GK5: variants seen among roughly 807,000 people sequenced by gnomAD.
The protein encoded by GK5 is glycerol kinase 5.
Under a neutral mutation model 77.3 loss-of-function variants are expected in GK5, and 39 were observed. The ratio of observed to expected loss-of-function variants is 0.50; its 90% CI spans 0.39 to 0.66. GK5 has a LOEUF of 0.66. Among genes scored for constraint, GK5 ranks in the 30% least tolerant of loss-of-function variants. The pLI, the probability that GK5 is intolerant of heterozygous loss-of-function variation, is 0.00. For missense variants in GK5, 487 were observed against 633.8 expected (o/e 0.77, Z 2.49); for synonymous variants, 211 against 208.0 (o/e 1.01, Z -0.13).
At chr3:142,221,035 T>C (rs1214379393) in intron 1 of GK5, among the ~76,000 whole-genome samples, 1 of 152,096 alleles carries the variant, frequency 6.6e-6, no homozygotes, top group Non-Finnish European at 1.5e-5. Context: ...GGGCAAGGCA[T>C]GGTACCAAAA....
rs200577363 is a variant in GK5, at chr3:142,192,780, AT to A, written c.544-5002del. Among the ~76,000 whole-genome samples, 178 of 151,556 alleles carry A rather than the reference AT, an allele frequency of 1.2e-3. 4 individuals are homozygous for A. In the East Asian group the frequency reaches 0.024, roughly 20 times the overall value. On this transcript the variant is annotated intron_variant, in intron 5 of 15. Coordinates refer to ENST00000392993, the MANE Select transcript of GK5 (RefSeq NM_001039547.3). ...CTCTGTCTCAAAAAAAAAAAAAAAA[AT>A]GTGATTGGATAAACTGTGCCACATT...
At chr3:142,219,599 C>A (rs565000786) in intron 1 of GK5, among the ~76,000 whole-genome samples, 9 of 152,256 alleles carry the variant, frequency 5.9e-5, no homozygotes, top group African/African-American at 1.9e-4. Flanking sequence ...TAAAGTAACA[C>A]AAGGGAGCTT....
intron 3 of GK5, among the ~76,000 whole-genome samples, chr3:142,209,182 GAGAGTATTTAAC>G (rs2064157124): frequency 6.6e-6 from 1 of 152,002 alleles, no homozygotes; most frequent in African/African-American, 2.4e-5. Context: ...GAGGTGCCAT[GAGAGTATTTAAC>G]AGATGGCCCC....
intron 3 of GK5, among the ~76,000 whole-genome samples, chr3:142,212,116 C>G (rs942656310): frequency 6.6e-6 from 1 of 152,138 alleles, no homozygotes; most frequent in Non-Finnish European, 1.5e-5. Flanking sequence ...ATCTTTTCCC[C>G]CTCTGCTCAC....
At chr3:142,190,437 G>C (rs1246781705) in intron 5 of GK5, among the ~76,000 whole-genome samples, 4 of 152,134 alleles carry the variant, frequency 2.6e-5, no homozygotes, top group Non-Finnish European at 4.4e-5. Flanking sequence ...CTAGGGCAAT[G>C]GCCCATATTT....
At chr3:142,204,659 A>G (rs758442913) in intron 4 of GK5, 36 bp downstream of exon 4, 1 of 1,157,052 alleles carries the variant, frequency 8.6e-7, no homozygotes, top group Non-Finnish European at 1.3e-6. Context: ...GAAAAAAAAA[A>G]CCAACAATAT....
chr3:142,181,389 TA>T, intron 11 of GK5, 71 bp downstream of exon 11: 1 of 794,838 alleles, frequency 1.3e-6, no homozygotes, highest in Non-Finnish European at 2.1e-6. Flanking sequence ...TGCTTCCTAC[TA>T]ATCTGCAATC....
chr3:142,184,023 C>T (rs2063731140), intron 9 of GK5, among the ~76,000 whole-genome samples: 1 of 151,638 alleles, frequency 6.6e-6, no homozygotes. Flanking sequence ...CTTTGGGAGG[C>T]CGAGGTGGGC....
At position 142,160,455 on chromosome 3, in the gene GK5, A is replaced by C. The variant is rs1022603923; in HGVS notation, c.*5167T>G. Reference sequence around the variant, plus strand: ...CTACATCTCTCCTCAAATAATTACAAAATTCTTGCAAGATTCCTGGGCTGG... The same window carrying C: ...CTACATCTCTCCTCAAATAATTACACAATTCTTGCAAGATTCCTGGGCTGG... On this transcript the variant is annotated 3_prime_UTR_variant, in exon 16 of 16. Coordinates refer to ENST00000392993, the MANE Select transcript of GK5 (RefSeq NM_001039547.3). 5 of 152,164 alleles carry C rather than the reference A, an allele frequency of 3.3e-5. No individual in the cohort carries two copies. The highest frequency in any genetic ancestry group is 7.3e-5 in the Non-Finnish European group (5 of 68,034). The allele number at this position is 152,164 out of a possible 1,614,324, so 9.4% of individuals were successfully genotyped here.
intron 1 of GK5, among the ~76,000 whole-genome samples, chr3:142,218,544 A>C (rs1438300518): frequency 6.6e-6 from 1 of 151,180 alleles, no homozygotes; most frequent in Non-Finnish European, 1.5e-5. Context: ...CCATCTCAAA[A>C]AAAAAAAAAA....
intron 15 of GK5, among the ~76,000 whole-genome samples, chr3:142,168,336 T>A (rs1432821683): frequency 1.3e-5 from 2 of 152,198 alleles, no homozygotes; most frequent in Non-Finnish European, 2.9e-5. Flanking sequence ...GAGTTCAAAT[T>A]TGCAAATGGG....
At position 142,224,032 on chromosome 3, in the gene GK5, T is replaced by C. The variant is rs147429471; in HGVS notation, c.147+1277A>G. On this transcript the variant is annotated intron_variant, in intron 1 of 15. Coordinates refer to ENST00000392993, the MANE Select transcript of GK5 (RefSeq NM_001039547.3). ...AGGGGGAATACAGTGCTGCTGGGAA[T>C]GGTTAGGTAACTGATGGCTCCGGCC... Among the ~76,000 whole-genome samples, 949 of 152,164 alleles carry C rather than the reference T, an allele frequency of 6.2e-3. 7 individuals carry two copies. The highest frequency in any genetic ancestry group is 8.8e-3 in the Non-Finnish European group (595 of 67,974).
chr3:142,204,816 A>G (rs2064080784), intron 3 of GK5, 28 bp from the exon 4 acceptor site: 2 of 1,246,514 alleles, frequency 1.6e-6, no homozygotes, highest in Non-Finnish European at 2.3e-6. Flanking sequence ...GTATTTTGAG[A>G]CCCAGCATAA....
Position 142,186,221 on chromosome 3 carries a change from G to C in GK5, c.728C>G (p.Ser243Cys). Residue 243 changes from serine (S) to cysteine (C), a missense_variant, in exon 8 of 16, where the codon TCT becomes TGT. Transcript: ENST00000392993. ...TGTGTCCCTCACAGGAGGTAGGAGA[G>C]AAAGTGGTATCGAAATTAGAGAGGT... ...MITSLISIPLSLLPPVRDTSH... is the reference protein window; with the variant it reads ...MITSLISIPLCLLPPVRDTSH... 3.1e-6 allele frequency: 5 copies of C among 1,604,300 alleles called. No homozygotes were observed. The highest frequency in any genetic ancestry group is 4.3e-6 in the Non-Finnish European group (5 of 1,171,204).
At chr3:142,205,994 G>T (rs2064100527) in intron 3 of GK5, among the ~76,000 whole-genome samples, 1 of 152,102 alleles carries the variant, frequency 6.6e-6, no homozygotes, top group South Asian at 2.1e-4. Context: ...TATATAAGTA[G>T]AATTATACAA....
chr3:142,210,008 T>C (rs1039343328), intron 3 of GK5, among the ~76,000 whole-genome samples: 2 of 151,958 alleles, frequency 1.3e-5, no homozygotes, highest in African/African-American at 2.4e-5. Context: ...GTGTTATCAG[T>C]TAGAGTTATT....
At chr3:142,188,512 C>T (rs531728943) in intron 5 of GK5, among the ~76,000 whole-genome samples, 78 of 152,218 alleles carry the variant, frequency 5.1e-4, no homozygotes, top group Non-Finnish European at 8.5e-4. Flanking sequence ...GGTGGCAGAG[C>T]GAGACTCCGT....
rs943763330 is a variant in GK5, at chr3:142,196,873, T to C, written c.543+1929A>G. Among the ~76,000 whole-genome samples, 4 of 152,198 alleles carry C rather than the reference T, an allele frequency of 2.6e-5. No homozygotes were observed. In the South Asian group the frequency reaches 8.3e-4, roughly 31 times the overall value. On this transcript the variant is annotated intron_variant, in intron 5 of 15. Transcript: ENST00000392993. ...ATTTTCTACTTCCTTGTTAATCTTCTGTCTAGTTATTCTATCCATTATTGA... is the reference window on the plus strand; with the variant it reads ...ATTTTCTACTTCCTTGTTAATCTTCCGTCTAGTTATTCTATCCATTATTGA...
At chr3:142,218,077 T>G (rs186711191) in intron 1 of GK5, among the ~76,000 whole-genome samples, 6 of 152,160 alleles carry the variant, frequency 3.9e-5, no homozygotes, top group Admixed American at 1.3e-4. Context: ...GCATAAAAAC[T>G]GACACATAGA....
Sources: allele counts gnomAD v4.1 joint callset (sites outside exome capture counted in the v4.1 genomes callset), GRCh38; gene constraint gnomAD v4.1.1; transcripts MANE v1.5; gene names NCBI Gene and HGNC (gene_info 2026-07-23, HGNC 2026-07-21).